The following TONSL variants were observed in gnomAD, a reference collection of about 807,000 sequenced individuals.
The protein encoded by TONSL is tonsoku like, DNA repair protein.
Under a neutral mutation model 147.1 loss-of-function variants are expected in TONSL, and 112 were observed. That is an observed-to-expected ratio of 0.76 (90% CI 0.65 to 0.89). The LOEUF is 0.89. Ranked by LOEUF, TONSL falls within the 40% of genes least tolerant of loss-of-function variation. TONSL has a pLI of 0.00. For synonymous variants in TONSL, 868 were observed against 801.5 expected, an observed-to-expected ratio of 1.08 and a Z score of -1.40; for missense variants, 1,883 against 1,864.6, an observed-to-expected ratio of 1.01 and a Z score of -0.18.
At chr8:144,444,124 C>T in intron 2 of TONSL, 56 bp downstream of exon 2, 1 of 1,310,530 alleles carries the variant, frequency 7.6e-7, no homozygotes, top group East Asian at 3.2e-5. Context: ...GGCCCCCGAT[C>T]CCGGCCCGGG....
Position 144,437,022 on chromosome 8 carries a change from C to T in TONSL, c.1726+5G>A, listed in dbSNP as rs375087490. The T allele has an allele frequency of 3.5e-5, 57 of 1,613,124 alleles. No homozygotes were observed. Among genetic ancestry groups the T allele is most frequent in the Middle Eastern group, 3.3e-4 (2 of 6,084 alleles). On this transcript the variant is annotated splice_donor_5th_base_variant and intron_variant, in intron 14 of 25. Coordinates refer to ENST00000409379, the MANE Select transcript of TONSL (RefSeq NM_013432.5). ...TGCGCCAGGCTCCTTCTGTCCCTTG[C>T]TCACCTAGATGCCCGTAGTTGCAGG...
chr8:144,443,340 C>A lies in TONSL; in HGVS notation c.265-19G>T. ...GCTGGTGCTGAGTGTGGAAGGAAGT[C>A]ACTGCTGTGAGCCGACTCCGCCTCA... On this transcript the variant is annotated intron_variant, in intron 3 of 25. Transcript: ENST00000409379. 1.3e-6 allele frequency: 2 copies of A among 1,542,350 alleles called. No individual in the cohort carries two copies. The highest frequency in any genetic ancestry group is 1.2e-5 in the South Asian group (1 of 83,854).
At chr8:144,430,345 TCAGG>T in intron 25 of TONSL, 55 bp downstream of exon 25, 2 of 1,475,620 alleles carry the variant, frequency 1.4e-6, no homozygotes, top group Non-Finnish European at 1.8e-6. Flanking sequence ...CACCTGGGTC[TCAGG>T]CAGGTCCCTG....
Position 144,443,324 on chromosome 8 carries a change from G to A in TONSL, c.265-3C>T. On this transcript the variant is annotated splice_region_variant and splice_polypyrimidine_tract_variant and intron_variant, in intron 3 of 25. Transcript: ENST00000409379. ...AGCTCCAGGTACTGGTGCTGGTGCT[G>A]AGTGTGGAAGGAAGTCACTGCTGTG... is the stretch of plus-strand genomic sequence containing the variant. 4 of 1,546,622 alleles carry A rather than the reference G, an allele frequency of 2.6e-6. No homozygotes were observed. Among genetic ancestry groups the A allele is most frequent in the Non-Finnish European group, 2.6e-6 (3 of 1,143,970 alleles).
intron 24 of TONSL, 104 bp from the exon 25 acceptor site, chr8:144,430,641 C>G: frequency 7.2e-7 from 1 of 1,384,460 alleles, no homozygotes; most frequent in Non-Finnish European, 9.7e-7. Flanking sequence ...AGCCTCGGGC[C>G]AGACCCAGGG....
At position 144,436,914 on chromosome 8, in the gene TONSL, A is replaced by G. The variant is rs776465152; in HGVS notation, c.1733T>C (p.Val578Ala). 6.2e-7 allele frequency: 1 copy of G among 1,608,904 alleles called. No homozygotes were observed. The highest frequency in any genetic ancestry group is 1.7e-5 in the Admixed American group (1 of 59,994). Reference protein sequence around the residue: ...EACNYGHLEIVRFLLDHGAAV... With the variant: ...EACNYGHLEIARFLLDHGAAV... ...GGCCCCGTGGTCCAGCAGGAAGCGG[A>G]CAATTTCTGCAGACCAGGAGACGTA... The change falls in exon 15 of 26, where the codon GTC becomes GCC. Residue 578 changes from valine to alanine, a missense_variant. Coordinates refer to ENST00000409379, the MANE Select transcript of TONSL (RefSeq NM_013432.5).
chr8:144,444,424 GCCGCGGGATCCGGA>G lies in TONSL; in HGVS notation c.-24_-11del. 2 of 1,233,424 alleles carry G rather than the reference GCCGCGGGATCCGGA, an allele frequency of 1.6e-6. No homozygotes were observed. Among genetic ancestry groups the G allele is most frequent in the Non-Finnish European group, 1.0e-6 (1 of 986,580 alleles). The allele number at this position is 1,233,424 out of a possible 1,614,324, so 76.4% of individuals were successfully genotyped here. On this transcript the variant is annotated 5_prime_UTR_variant, in exon 1 of 26. Transcript: ENST00000409379. Reference sequence around the variant, plus strand: ...CGCGCTCCAGGCTCATGCTCGGATCGCCGCGGGATCCGGACTTCCCGCGCTGCGCCGCGGCCCCG... The same window carrying G: ...CGCGCTCCAGGCTCATGCTCGGATCGCTTCCCGCGCTGCGCCGCGGCCCCG...
At chr8:144,433,886 G>A in intron 21 of TONSL, 92 bp downstream of exon 21, 1 of 1,466,806 alleles carries the variant, frequency 6.8e-7, no homozygotes, top group South Asian at 1.4e-5. Context: ...GCACTGGCTG[G>A]CTCTCCCAAC....
At chr8:144,441,541 G>A (rs531378994) in intron 7 of TONSL, 8 of 202,164 alleles carry the variant, frequency 4.0e-5, no homozygotes, top group East Asian at 1.3e-4. Flanking sequence ...GCAGTGAGCC[G>A]AGATCATGCC....
rs140799312 is a variant in TONSL, at chr8:144,436,186, G to A, written c.2247C>T (p.Ser749=). Residue 749 remains serine, a synonymous_variant, in exon 17 of 26, where the codon AGC becomes AGT. Coordinates refer to ENST00000409379, the MANE Select transcript of TONSL (RefSeq NM_013432.5). ...TCTGGGACGGCCGTGCGGGGCCTGC[G>A]CTGTCCTCGCCTTCTGAGCTGCTGC... ...SSSSSSEGED[S]AGPARPSQKR... The A allele has an allele frequency of 2.2e-4, 341 of 1,573,970 alleles. No homozygotes were observed. Among genetic ancestry groups the A allele is most frequent in the Middle Eastern group, 8.4e-4 (5 of 5,922 alleles).
Position 144,434,836 on chromosome 8 carries a change from G to T in TONSL, c.3060C>A (p.Arg1020=), listed in dbSNP as rs1823366824. The T allele has an allele frequency of 3.7e-6, 6 of 1,613,408 alleles. No individual in the cohort carries two copies. In the South Asian group the frequency reaches 6.6e-5, roughly 18 times the overall value. Residue 1020 remains arginine, a synonymous_variant, in exon 20 of 26, where the codon CGC becomes CGA. Transcript: ENST00000409379. ...WDLPPLTDRY[R]RACQSLGQGE... is the part of the protein sequence containing the mutation. ...CTTGCCCCAGGCTCTGGCAGGCCCT[G>T]CGGTAGCGGTCAGTCAACGGGGGCA... is the stretch of plus-strand genomic sequence containing the variant.
At position 144,431,131 on chromosome 8, in the gene TONSL, G is replaced by A. The variant is rs1554878578; in HGVS notation, c.3756C>T (p.His1252=). Residue 1252 remains histidine, a synonymous_variant, in exon 24 of 26, where the codon CAC becomes CAT. Coordinates refer to ENST00000409379, the MANE Select transcript of TONSL (RefSeq NM_013432.5). ...YLAKEGCALA[H]LTLSANHLGD... Reference sequence around the variant, plus strand: ...CCAGGTGGTTTGCAGACAGGGTCAGGTGGGCTAGAGCACAGCCTTCCTGGA... The same window carrying A: ...CCAGGTGGTTTGCAGACAGGGTCAGATGGGCTAGAGCACAGCCTTCCTGGA... 6.2e-7 allele frequency: 1 copy of A among 1,614,158 alleles called. No individual in the cohort carries two copies. Among genetic ancestry groups the A allele is most frequent in the Admixed American group, 1.7e-5 (1 of 60,034 alleles).
intron 18 of TONSL, 89 bp from the exon 19 acceptor site, chr8:144,435,259 C>A (rs1218235933): frequency 4.3e-5 from 61 of 1,422,112 alleles, no homozygotes; most frequent in South Asian, 2.1e-4. Flanking sequence ...GGCCAGAAGC[C>A]CCCTCAGCTG....
Position 144,435,010 on chromosome 8 carries a change from G to A in TONSL, c.3006+7C>T, listed in dbSNP as rs370542468. 103 of 1,612,242 alleles carry A rather than the reference G, an allele frequency of 6.4e-5. No homozygotes were observed. In the African/African-American group the frequency reaches 9.5e-4, roughly 15 times the overall value. On this transcript the variant is annotated splice_region_variant and intron_variant, in intron 19 of 25. Transcript: ENST00000409379. ...GGCCCTGGCTCCCCCTCCGCTCTGC[G>A]GCTCACCTCGTCATTGCTCTGCAGC...
At chr8:144,437,165 C>T in intron 13 of TONSL, 66 bp from the exon 14 acceptor site, 2 of 1,518,170 alleles carry the variant, frequency 1.3e-6, no homozygotes, top group Non-Finnish European at 9.0e-7. Flanking sequence ...GCCCCGTGAG[C>T]TCTGCAGCCT....
Position 144,442,813 on chromosome 8 carries a change from G to T in TONSL, c.449-7C>A, listed in dbSNP as rs756216095. On this transcript the variant is annotated splice_polypyrimidine_tract_variant and splice_region_variant and intron_variant, in intron 4 of 25. Coordinates refer to ENST00000409379, the MANE Select transcript of TONSL (RefSeq NM_013432.5). ...TCTCCCTGGGCCAGTGTCCCTGGAAGATACCCCCCCAAACACTCAGCCACT... is the reference window on the plus strand; with the variant it reads ...TCTCCCTGGGCCAGTGTCCCTGGAATATACCCCCCCAAACACTCAGCCACT... 44 of 1,608,942 alleles carry T rather than the reference G, an allele frequency of 2.7e-5. No individual in the cohort carries two copies. Among genetic ancestry groups the T allele is most frequent in the Non-Finnish European group, 3.7e-5 (43 of 1,177,758 alleles).
chr8:144,428,956 A>G lies in TONSL; in HGVS notation c.*187T>C. The G allele has an allele frequency of 1.7e-6, 1 of 600,182 alleles. No individual in the cohort carries two copies. Among genetic ancestry groups the G allele is most frequent in the Admixed American group, 3.9e-5 (1 of 25,766 alleles). The allele number at this position is 600,182 out of a possible 1,614,324, so 37.2% of individuals were successfully genotyped here. On this transcript the variant is annotated 3_prime_UTR_variant, in exon 26 of 26. Transcript: ENST00000409379. ...AGGCTTCCACCACCACGCCCGGCTAATTTTTGGTATTTTTAGTAGAGACGG... is the reference window on the plus strand; with the variant it reads ...AGGCTTCCACCACCACGCCCGGCTAGTTTTTGGTATTTTTAGTAGAGACGG...
chr8:144,444,040 G>A lies in TONSL; in HGVS notation c.122-16C>T, dbSNP rs1331382887. 6.6e-7 allele frequency: 1 copy of A among 1,520,886 alleles called. No individual in the cohort carries two copies. 94.2% of individuals were successfully genotyped at this position (1,520,886 alleles called of 1,614,324 possible). ...GCGTAGCGGCCTAGGCGGGGGCACA[G>A]CACGGCCTGGCAGGCGTCGCGGGTG... On this transcript the variant is annotated splice_polypyrimidine_tract_variant and intron_variant, in intron 2 of 25. Coordinates refer to ENST00000409379, the MANE Select transcript of TONSL (RefSeq NM_013432.5).
Position 144,429,181 on chromosome 8 carries a change from G to A in TONSL, c.4099C>T (p.Leu1367=). Reference sequence around the variant, plus strand: ...AAGAAGAGCTTGGAGCCGTGGTCCAGCGTGCACTCGCCGGGGCCCGGCCGA... The same window carrying A: ...AAGAAGAGCTTGGAGCCGTGGTCCAACGTGCACTCGCCGGGGCCCGGCCGA... ...PSRPGPGECT[L]DHGSKLFFRR... Residue 1367 remains leucine (L), a synonymous_variant, in exon 26 of 26, where the codon CTG becomes TTG. Transcript: ENST00000409379. 6.5e-7 allele frequency: 1 copy of A among 1,534,630 alleles called. No individual in the cohort carries two copies. Among genetic ancestry groups the A allele is most frequent in the Non-Finnish European group, 8.7e-7 (1 of 1,145,062 alleles).
Sources: gnomAD v4.1 joint callset for allele counts on GRCh38, gnomAD v4.1.1 for gene constraint, MANE v1.5 for transcripts, NCBI Gene and HGNC (gene_info 2026-07-23, HGNC 2026-07-21) for gene names.